Variants in ZSWIM8 observed in about 807,000 individuals in gnomAD.
ZSWIM8 encodes the protein zinc finger SWIM-type containing 8.
Under a neutral mutation model 173.7 loss-of-function variants are expected in ZSWIM8, and 27 were observed. That is an observed-to-expected ratio of 0.16 (90% CI 0.11 to 0.21). The LOEUF is 0.21. ZSWIM8 is among the 10% of genes least tolerant of loss of function. The pLI is 1.00. For synonymous variants in ZSWIM8, 958 were observed against 962.0 expected, an observed-to-expected ratio of 1.00 and a Z score of 0.08; for missense variants, 1,627 against 2,428.8, an observed-to-expected ratio of 0.67 and a Z score of 6.94.
In ZSWIM8 at chr10:73,789,512, G is replaced by A. The variant is rs765512031; in HGVS notation, c.603G>A (p.Val201=). 2 of 1,613,004 alleles carry A rather than the reference G, an allele frequency of 1.2e-6. No individual in the cohort carries two copies. The highest frequency in any genetic ancestry group is 1.7e-6 in the Non-Finnish European group (2 of 1,179,744). ...GAGAKWCTHV[V]ALCLFRIHNA... ...GGGCCAAATGGTGCACCCACGTCGTGGCACTCTGTCTCTTCCGCATCCACA... is the reference window on the plus strand; with the variant it reads ...GGGCCAAATGGTGCACCCACGTCGTAGCACTCTGTCTCTTCCGCATCCACA... Residue 201 remains valine, a synonymous_variant, in exon 4 of 26, where the codon GTG becomes GTA. Coordinates refer to ENST00000604729, the MANE Select transcript of ZSWIM8 (RefSeq NM_001367799.1). This position sits in a 1 kb window ranked among gnomAD's most constrained non-coding sequence, Gnocchi z 6.8.
chr10:73,794,588 G>A lies in ZSWIM8; in HGVS notation c.2857G>A (p.Glu953Lys), dbSNP rs865850634. Residue 953 changes from glutamate (E) to lysine (K), a missense_variant, in exon 14 of 26, where the codon GAG becomes AAG. Glu to Lys is a moderately conservative substitution (Grantham distance 56, BLOSUM62 1). Coordinates refer to ENST00000604729, the MANE Select transcript of ZSWIM8 (RefSeq NM_001367799.1). Reference protein sequence around the residue: ...SRPPSRNWNSETPGDEELGFE... With the variant: ...SRPPSRNWNSKTPGDEELGFE... The stretch of plus-strand genomic sequence containing the variant: ...GCCCCCAAGTCGCAACTGGAACAGC[G>A]AGACACCTGGGGATGAGGAGCTTGG... 5.8e-6 allele frequency: 9 copies of A among 1,558,978 alleles called. No homozygotes were observed. The highest frequency in any genetic ancestry group is 1.2e-5 in the South Asian group (1 of 84,618).
intron 15 of ZSWIM8, chr10:73,796,462 T>A: frequency 2.3e-6 from 1 of 442,946 alleles, no homozygotes; most frequent in African/African-American, 2.0e-5. Flanking sequence ...ATGGTTCTTA[T>A]AGGAGTGCTT....
chr10:73,795,111 G>GA lies in ZSWIM8; in HGVS notation c.2909-418dup, dbSNP rs1206250454. 7.4e-5 allele frequency among the ~76,000 whole-genome samples: 11 copies of GA among 148,990 alleles called. No homozygotes were observed. The East Asian group carries it at 1.4e-3, about 19-fold the overall frequency. ...AGAGTGAAACCTTGTCTCAAACAAA[G>GA]AAAAAAAAAATTGTGTGCTATGGGT... On this transcript the variant is annotated intron_variant, in intron 14 of 25. Coordinates refer to ENST00000604729, the MANE Select transcript of ZSWIM8 (RefSeq NM_001367799.1).
In ZSWIM8 at chr10:73,789,097, C is replaced by T. The variant is rs749495645; in HGVS notation, c.364C>T (p.Leu122=). 5 of 1,613,720 alleles carry T rather than the reference C, an allele frequency of 3.1e-6. No individual in the cohort carries two copies. The highest frequency in any genetic ancestry group is 1.1e-5 in the South Asian group (1 of 91,090). The change falls in exon 3 of 26, where the codon CTG becomes TTG. Residue 122 remains leucine (L), a splice_region_variant and synonymous_variant. Transcript: ENST00000604729. The surrounding 1 kb of genome is among the most constrained non-coding windows in gnomAD (Gnocchi z 6.8). The part of the protein sequence containing the change: ...SFPENEEDIR[L]YSCLANGSAD... ...CTGTGTCCTCTTCTTCACCCCCAGGCTGTATTCGTGCCTGGCCAATGGCAG... is the reference window on the plus strand; with the variant it reads ...CTGTGTCCTCTTCTTCACCCCCAGGTTGTATTCGTGCCTGGCCAATGGCAG...
Position 73,789,678 on chromosome 10 carries a change from G to C in ZSWIM8, c.631-39G>C, listed in dbSNP as rs1589557143. 3.2e-6 allele frequency: 5 copies of C among 1,565,394 alleles called. No individual in the cohort carries two copies. The highest frequency in any genetic ancestry group is 3.3e-4 in the Middle Eastern group (2 of 6,008). On this transcript the variant is annotated intron_variant, in intron 4 of 25. Transcript: ENST00000604729. This position sits in a 1 kb window ranked among gnomAD's most constrained non-coding sequence, Gnocchi z 6.8. ...CCCCAGCTCCAGCTCCAGCAAACCTGTTCTCAGATTGTTCCATTTTTCTCT... is the reference window on the plus strand; with the variant it reads ...CCCCAGCTCCAGCTCCAGCAAACCTCTTCTCAGATTGTTCCATTTTTCTCT...
chr10:73,796,794 C>A lies in ZSWIM8; in HGVS notation c.3054C>A (p.Asp1018Glu). The A allele has an allele frequency of 6.2e-7, 1 of 1,613,708 alleles. No individual in the cohort carries two copies. Among genetic ancestry groups the A allele is most frequent in the Non-Finnish European group, 8.5e-7 (1 of 1,179,884 alleles). ...KLKKILDKLL[D>E]RESQTHKPQT... ...TCCAGATCTTAGACAAACTCTTGGA[C>A]CGAGAGAGCCAGACACATAAGCCAC... Residue 1018 changes from aspartate (D) to glutamate (E), a missense_variant, in exon 16 of 26, where the codon GAC (aspartate) becomes GAA (glutamate). By Grantham distance (45) the Asp-to-Glu change is conservative. Around this residue, in one of 18 missense-constraint regions of ZSWIM8, gnomAD observed 163 missense variants for 193.2 expected, o/e 0.84. Transcript: ENST00000604729.
intron 7 of ZSWIM8, 38 bp downstream of exon 7, chr10:73,790,330 G>A: frequency 6.4e-7 from 1 of 1,560,266 alleles, no homozygotes; most frequent in South Asian, 1.2e-5. Context: ...CTGTGGTGGA[G>A]GGGGAGCGTC....
Position 73,789,089 on chromosome 10 carries a change from C to T in ZSWIM8, c.363-7C>T, listed in dbSNP as rs777922731. On this transcript the variant is annotated splice_polypyrimidine_tract_variant and splice_region_variant and intron_variant, in intron 2 of 25. Transcript: ENST00000604729. The surrounding 1 kb of genome is among the most constrained non-coding windows in gnomAD (Gnocchi z 6.8). ...AGTTGTGGCTGTGTCCTCTTCTTCA[C>T]CCCCAGGCTGTATTCGTGCCTGGCC... 1.9e-6 allele frequency: 3 copies of T among 1,613,324 alleles called. No individual in the cohort carries two copies. Among genetic ancestry groups the T allele is most frequent in the South Asian group, 1.1e-5 (1 of 91,078 alleles).
chr10:73,800,575 ACAGGTT>A lies in ZSWIM8; in HGVS notation c.5003-64_5003-59del. 6.2e-7 allele frequency: 1 copy of A among 1,603,838 alleles called. No homozygotes were observed. Among genetic ancestry groups the A allele is most frequent in the Non-Finnish European group, 8.5e-7 (1 of 1,173,726 alleles). ...CATTTGTTTACTGTGGGGTCAGGTG[ACAGGTT>A]GGGGTAAAGGGTGAAGAGGATACAC... On this transcript the variant is annotated intron_variant, in intron 23 of 25. Transcript: ENST00000604729. The surrounding 1 kb of genome is among the most constrained non-coding windows in gnomAD (Gnocchi z 4.1).
chr10:73,785,621 C>G lies in ZSWIM8; in HGVS notation c.-258C>G, dbSNP rs979429029. On this transcript the variant is annotated 5_prime_UTR_variant, in exon 1 of 26. Transcript: ENST00000604729. ...GCGGCTCCGCAGCCGCCTAGAGGCC[C>G]CAGCCGCCGAGCGCTTCGTCCCGGC... 4 of 563,368 alleles carry G rather than the reference C, an allele frequency of 7.1e-6. No homozygotes were observed. Among genetic ancestry groups the G allele is most frequent in the Admixed American group, 7.0e-5 (3 of 42,660 alleles). 34.9% of individuals were successfully genotyped at this position (563,368 alleles called of 1,614,324 possible). A position where few individuals can be genotyped will look rare whatever the true frequency, so the allele number is the denominator to read the frequency against.
At position 73,786,079 on chromosome 10, in the gene ZSWIM8, A is replaced by C; in HGVS notation, c.201A>C (p.Arg67Ser). The C allele has an allele frequency of 6.3e-7, 1 of 1,576,020 alleles. No homozygotes were observed. Among genetic ancestry groups the C allele is most frequent in the Non-Finnish European group, 8.6e-7 (1 of 1,159,648 alleles). ...GGGGGGSGGT[R>S]MRDGLVIPLV... ...GCGGAGGTGGCAGTGGCGGTACCAGAATGCGAGGTGAGAGTGAGCTGGGGG... is the reference window on the plus strand; with the variant it reads ...GCGGAGGTGGCAGTGGCGGTACCAGCATGCGAGGTGAGAGTGAGCTGGGGG... Residue 67 changes from arginine (R) to serine (S), a missense_variant, in exon 1 of 26, where the codon AGA becomes AGC. Physicochemically the swap from Arg to Ser is moderately radical, Grantham distance 110. Coordinates refer to ENST00000604729, the MANE Select transcript of ZSWIM8 (RefSeq NM_001367799.1).
intron 1 of ZSWIM8, 81 bp from the exon 2 acceptor site, chr10:73,788,589 G>A: frequency 6.6e-7 from 1 of 1,514,188 alleles, no homozygotes; most frequent in Non-Finnish European, 9.0e-7. Flanking sequence ...CCAGGATGTT[G>A]TACTGGCATG....
chr10:73,794,078 C>G lies in ZSWIM8; in HGVS notation c.2625+34C>G, dbSNP rs536408629. On this transcript the variant is annotated intron_variant, in intron 12 of 25. Coordinates refer to ENST00000604729, the MANE Select transcript of ZSWIM8 (RefSeq NM_001367799.1). ...CTCCATCTCAGCCTTGTATTTCAGTCTCTTTAGAGCCTTGCACCTTGATCT... is the reference window on the plus strand; with the variant it reads ...CTCCATCTCAGCCTTGTATTTCAGTGTCTTTAGAGCCTTGCACCTTGATCT... 30 of 1,610,170 alleles carry G rather than the reference C, an allele frequency of 1.9e-5. 2 individuals are homozygous for G. The South Asian group carries it at 2.9e-4, about 15-fold the overall frequency.
chr10:73,795,871 G>A (rs1460826204), intron 15 of ZSWIM8, among the ~76,000 whole-genome samples: 4 of 151,380 alleles, frequency 2.6e-5, no homozygotes, highest in African/African-American at 9.7e-5. Flanking sequence ...GCTGAGGTGG[G>A]AGGATTGCTT....
chr10:73,793,839 G>A, intron 11 of ZSWIM8, 26 bp from the exon 12 acceptor site: 1 of 1,589,340 alleles, frequency 6.3e-7, no homozygotes, highest in Non-Finnish European at 8.5e-7. Flanking sequence ...TCATCTGCCT[G>A]TCTCCTGTGT....
At position 73,797,666 on chromosome 10, in the gene ZSWIM8, G is replaced by A; in HGVS notation, c.3662+61G>A. 2 of 1,585,182 alleles carry A rather than the reference G, an allele frequency of 1.3e-6. No homozygotes were observed. The highest frequency in any genetic ancestry group is 1.7e-6 in the Non-Finnish European group (2 of 1,161,644). Reference sequence around the variant, plus strand: ...GCCCACCCTCAGAGCCACACCCCTAGTGCAATCCAACCATTGTCTCCCAGC... The same window carrying A: ...GCCCACCCTCAGAGCCACACCCCTAATGCAATCCAACCATTGTCTCCCAGC... On this transcript the variant is annotated intron_variant, in intron 18 of 25. Coordinates refer to ENST00000604729, the MANE Select transcript of ZSWIM8 (RefSeq NM_001367799.1). This position sits in a 1 kb window ranked among gnomAD's most constrained non-coding sequence, Gnocchi z 5.6.
At position 73,791,556 on chromosome 10, in the gene ZSWIM8, T is replaced by C. The variant is rs553273954; in HGVS notation, c.1319+57T>C. 1.5e-5 allele frequency: 22 copies of C among 1,480,086 alleles called. No individual in the cohort carries two copies. Among genetic ancestry groups the C allele is most frequent in the Middle Eastern group, 4.6e-4 (2 of 4,308 alleles). The allele number at this position is 1,480,086 out of a possible 1,614,324, so 91.7% of individuals were successfully genotyped here. A position where few individuals can be genotyped will look rare whatever the true frequency, so the allele number is the denominator to read the frequency against. The stretch of plus-strand genomic sequence containing the variant: ...GAGCCTGGGCCAGCTCAGGACAGAC[T>C]GAGCCTTCATCTCCTTGTTTGCAGA... On this transcript the variant is annotated intron_variant, in intron 9 of 25. Transcript: ENST00000604729. The surrounding 1 kb of genome is among the most constrained non-coding windows in gnomAD (Gnocchi z 6.0).
intron 14 of ZSWIM8, 58 bp downstream of exon 14, chr10:73,794,697 C>A (rs1334993198): frequency 5.5e-6 from 8 of 1,442,000 alleles, no homozygotes; most frequent in South Asian, 1.2e-5. Context: ...GGACATGAGA[C>A]CTGTGCCTTG....
chr10:73,794,296 G>T lies in ZSWIM8; in HGVS notation c.2775G>T (p.Leu925=). Residue 925 remains leucine, a synonymous_variant, in exon 13 of 26, where the codon CTG becomes CTT. Coordinates refer to ENST00000604729, the MANE Select transcript of ZSWIM8 (RefSeq NM_001367799.1). ...CDYRPVLPLM[L]ASFIFDVLCA... ...ATCGGCCTGTGTTGCCTCTCATGCT[G>T]GCCAGTTTCATCTTTGACGTTCTCT... 6.2e-7 allele frequency: 1 copy of T among 1,613,970 alleles called. No homozygotes were observed. Among genetic ancestry groups the T allele is most frequent in the Non-Finnish European group, 8.5e-7 (1 of 1,179,896 alleles).
Sources: gnomAD v4.1 joint callset for allele counts (sites outside exome capture counted in the v4.1 genomes callset) on GRCh38, gnomAD v4.1.1 for gene constraint, gnomAD v4.1.1 regional missense constraint, Gnocchi (gnomAD v3.1) non-coding constraint, MANE v1.5 for transcripts, NCBI Gene and HGNC (gene_info 2026-07-23, HGNC 2026-07-21) for gene names.